Variants in CEMIP observed in about 807,000 individuals in gnomAD.
CEMIP encodes the protein cell migration inducing hyaluronidase 1.
A neutral mutation model predicts 156.9 loss-of-function variants in CEMIP; 105 were observed. That is an observed-to-expected ratio of 0.67 (90% CI 0.57 to 0.79). The LOEUF (loss-of-function observed/expected upper bound fraction) is 0.79. Ranked by LOEUF, CEMIP falls within the 30% of genes least tolerant of loss-of-function variation. The pLI, the probability that CEMIP is intolerant of heterozygous loss-of-function variation, is 0.00. For synonymous variants in CEMIP, 676 were observed against 668.4 expected, an observed-to-expected ratio of 1.01 and a Z score of -0.17; for missense variants, 1,457 against 1,769.4, an observed-to-expected ratio of 0.82 and a Z score of 3.17.
chr15:80,809,345 T>G (rs935205910), intron 1 of CEMIP, among the ~76,000 whole-genome samples: 1 of 152,258 alleles, frequency 6.6e-6, no homozygotes, highest in African/African-American at 2.4e-5. Flanking sequence ...AAAGAATGTT[T>G]ATTTATATGG....
In CEMIP at chr15:80,943,076, C is replaced by G. The variant is rs144685141; in HGVS notation, c.3831C>G (p.Phe1277Leu). The change falls in exon 28 of 30, where the codon TTC (phenylalanine) becomes TTG (leucine). Residue 1277 changes from phenylalanine (F) to leucine (L), a missense_variant. Physicochemically the swap from Phe to Leu is conservative, Grantham distance 22. Around this residue, in one of 5 missense-constraint regions of CEMIP, gnomAD observed 798 missense variants for 980.1 expected, o/e 0.81. Coordinates refer to ENST00000394685, the MANE Select transcript of CEMIP (RefSeq NM_001293298.2). ...TGCAAGGCATACCATGGCAGCTTTT[C>G]AACTATGTGGCGACCATCCCTGACA... ...SILQGIPWQLFNYVATIPDNS... is the reference protein window; with the variant it reads ...SILQGIPWQLLNYVATIPDNS... 175 of 1,614,132 alleles carry G rather than the reference C, an allele frequency of 1.1e-4. No homozygotes were observed. The highest frequency in any genetic ancestry group is 1.4e-4 in the Non-Finnish European group (166 of 1,180,056).
intron 1 of CEMIP, among the ~76,000 whole-genome samples, chr15:80,851,987 T>C (rs888588748): frequency 6.6e-6 from 1 of 152,104 alleles, no homozygotes; most frequent in African/African-American, 2.4e-5. Flanking sequence ...GAGGTCCTCC[T>C]GCACTGAAGA....
chr15:80,936,701 A>T lies in CEMIP; in HGVS notation c.3037A>T (p.Asn1013Tyr). ...GTACATTCAAGCCTACAAGACCAGT[A>T]ACCTGCGAATGAAGATCATCAAGAA... The part of the protein sequence containing the change: ...QMYIQAYKTS[N>Y]LRMKIIKNDF... The change falls in exon 24 of 30, where the codon AAC (asparagine) becomes TAC (tyrosine). Residue 1013 changes from asparagine (N) to tyrosine (Y), a missense_variant. Asn to Tyr is a moderately radical substitution (Grantham distance 143). This residue lies in a region of CEMIP where 798 missense variants were observed against 980.1 expected (regional missense o/e 0.81). Transcript: ENST00000394685. The T allele has an allele frequency of 6.2e-7, 1 of 1,614,130 alleles. No individual in the cohort carries two copies. The highest frequency in any genetic ancestry group is 8.5e-7 in the Non-Finnish European group (1 of 1,180,024).
At chr15:80,881,212 CCG>C in intron 6 of CEMIP, 76 bp downstream of exon 6, 1 of 1,279,532 alleles carries the variant, frequency 7.8e-7, no homozygotes, top group Non-Finnish European at 1.1e-6. Flanking sequence ...TGGCCAGGTG[CCG>C]CTCTAGGTGC....
chr15:80,919,262 C>A (rs1473642964), intron 14 of CEMIP, among the ~76,000 whole-genome samples: 1 of 152,134 alleles, frequency 6.6e-6, no homozygotes, highest in African/African-American at 2.4e-5. Flanking sequence ...AAAAGCACAC[C>A]TGCCCCAGCT....
At chr15:80,895,189 A>G (rs535185572) in intron 11 of CEMIP, 67 bp downstream of exon 11, 1 of 1,606,674 alleles carries the variant, frequency 6.2e-7, no homozygotes, top group Admixed American at 1.7e-5. Flanking sequence ...GCAGCTATGC[A>G]GGCAACTTCC....
chr15:80,863,187 A>G (rs1480652755), intron 1 of CEMIP, among the ~76,000 whole-genome samples: 1 of 152,240 alleles, frequency 6.6e-6, no homozygotes, highest in African/African-American at 2.4e-5. Flanking sequence ...TAATGCTTAA[A>G]TGACAAAAAA....
intron 23 of CEMIP, among the ~76,000 whole-genome samples, chr15:80,934,498 G>A (rs1001548492): frequency 1.2e-4 from 18 of 152,162 alleles, no homozygotes; most frequent in Admixed American, 4.6e-4. Context: ...ACGGGAGAGA[G>A]GCCTGAGAAA....
intron 14 of CEMIP, among the ~76,000 whole-genome samples, chr15:80,915,731 C>T (rs1248827049): frequency 6.6e-6 from 1 of 152,184 alleles, no homozygotes; most frequent in Admixed American, 6.5e-5. Flanking sequence ...TCCTCCCCAC[C>T]TCTCCTGGGC....
Position 80,920,140 on chromosome 15 carries a change from CG to C in CEMIP, c.1846del (p.Glu616LysfsTer35). 6.2e-7 allele frequency: 1 copy of C among 1,614,220 alleles called. No homozygotes were observed. Among genetic ancestry groups the C allele is most frequent in the Non-Finnish European group, 8.5e-7 (1 of 1,180,040 alleles). On this transcript the variant is annotated frameshift_variant, in exon 15 of 30. Transcript: ENST00000394685. LOFTEE classifies it high-confidence loss of function. ...AACTCTTTGGGCCACTGCTTCTTCA[CG>C]GAAGATGGGCCGGAGGAACGCAACA... ...GYNSLGHCFF[T>X]EDGPEERNTF...
chr15:80,917,408 C>G (rs1026409340), intron 14 of CEMIP, among the ~76,000 whole-genome samples: 1 of 152,166 alleles, frequency 6.6e-6, no homozygotes, highest in African/African-American at 2.4e-5. Context: ...TGGCATCCTC[C>G]TCTGTAAAGT....
At chr15:80,850,667 T>C (rs1392658461) in intron 1 of CEMIP, among the ~76,000 whole-genome samples, 1 of 152,046 alleles carries the variant, frequency 6.6e-6, no homozygotes, top group Non-Finnish European at 1.5e-5. Context: ...TCCCTAAAGT[T>C]GAAGGTGTGG....
intron 3 of CEMIP, 118 bp downstream of exon 3, chr15:80,874,091 C>G: frequency 1.0e-6 from 1 of 956,978 alleles, no homozygotes; most frequent in Non-Finnish European, 1.6e-6. Flanking sequence ...GGTCAGGGTG[C>G]CTGGGCCTTG....
chr15:80,845,173 G>A (rs574971468), intron 1 of CEMIP, among the ~76,000 whole-genome samples: 15 of 152,244 alleles, frequency 9.9e-5, no homozygotes, highest in African/African-American at 2.2e-4. Context: ...TATTGAGGCC[G>A]GGTGTGATGG....
intron 1 of CEMIP, among the ~76,000 whole-genome samples, chr15:80,804,365 G>A (rs564810905): frequency 6.6e-6 from 1 of 152,238 alleles, no homozygotes; most frequent in African/African-American, 2.4e-5. Flanking sequence ...ATGGGAGACA[G>A]TGTCTCCTTT....
At position 80,906,480 on chromosome 15, in the gene CEMIP, T is replaced by C. The variant is rs898164543; in HGVS notation, c.1412-183T>C. ...CCTAAGCCTGTGTAACTGTGAGATCTGGGTCTGCATGCAGGCGTGTGACTT... is the reference window on the plus strand; with the variant it reads ...CCTAAGCCTGTGTAACTGTGAGATCCGGGTCTGCATGCAGGCGTGTGACTT... On this transcript the variant is annotated intron_variant, in intron 12 of 29. Transcript: ENST00000394685. This position sits in a 1 kb window ranked among gnomAD's most constrained non-coding sequence, Gnocchi z 4.3. Among the ~76,000 whole-genome samples the C allele has an allele frequency of 2.6e-5, 4 of 152,222 alleles. No individual in the cohort carries two copies. The highest frequency in any genetic ancestry group is 9.6e-5 in the African/African-American group (4 of 41,456).
chr15:80,894,539 C>T (rs1899143760), intron 10 of CEMIP, among the ~76,000 whole-genome samples: 1 of 152,196 alleles, frequency 6.6e-6, no homozygotes, highest in Admixed American at 6.5e-5. Context: ...AAATCTGAGG[C>T]TCCGAGGATG....
chr15:80,814,906 C>T (rs936081261), intron 1 of CEMIP, among the ~76,000 whole-genome samples: 9 of 152,116 alleles, frequency 5.9e-5, no homozygotes, highest in South Asian at 2.1e-4. Context: ...CAGCTGGTCT[C>T]GAACTCCTGC....
intron 16 of CEMIP, 116 bp from the exon 17 acceptor site, chr15:80,921,893 G>A: frequency 2.2e-6 from 3 of 1,368,116 alleles, no homozygotes; most frequent in Non-Finnish European, 3.1e-6. Flanking sequence ...GAGGGCTCCT[G>A]TGGGTGACGG....
Sources: gnomAD v4.1 joint callset for allele counts (sites outside exome capture counted in the v4.1 genomes callset) on GRCh38, gnomAD v4.1.1 for gene constraint, gnomAD v4.1.1 regional missense constraint, Gnocchi (gnomAD v3.1) non-coding constraint, MANE v1.5 for transcripts, NCBI Gene and HGNC (gene_info 2026-07-23, HGNC 2026-07-21) for gene names.